The following MBNL1 variants were observed in gnomAD, a reference collection of about 807,000 sequenced individuals.
MBNL1 encodes the protein muscleblind-like protein 1.
MBNL1 carries 8 observed loss-of-function variants against 42.2 expected under a neutral mutation model. That is an observed-to-expected ratio of 0.19 (90% CI 0.11 to 0.34). MBNL1 has a LOEUF of 0.34. Ranked by LOEUF, MBNL1 falls within the 10% of genes least tolerant of loss-of-function variation. MBNL1 has a pLI of 1.00. For missense variants in MBNL1, 309 were observed against 495.3 expected, an observed-to-expected ratio of 0.62 and a Z score of 3.57; for synonymous variants, 169 against 173.9, an observed-to-expected ratio of 0.97 and a Z score of 0.22.
chr3:152,311,765 C>A (rs1157073051), intron 2 of MBNL1, among the ~76,000 whole-genome samples: 1 of 151,782 alleles, frequency 6.6e-6, no homozygotes, highest in Admixed American at 6.6e-5. Flanking sequence ...ATATAAGAAT[C>A]GTTGATTCTA....
chr3:152,383,707 T>G (rs1165264398), intron 2 of MBNL1, among the ~76,000 whole-genome samples: 1 of 152,120 alleles, frequency 6.6e-6, no homozygotes, highest in Non-Finnish European at 1.5e-5. Context: ...AGATGAATAC[T>G]TTTCAGAATG....
intron 1 of MBNL1, among the ~76,000 whole-genome samples, chr3:152,297,499 G>C (rs1022429893): frequency 4.0e-5 from 6 of 151,692 alleles, no homozygotes; most frequent in African/African-American, 1.5e-4. Context: ...ACAGGTGCCT[G>C]CCACCATGCC....
At chr3:152,273,791 T>C (rs1407025638) in intron 1 of MBNL1, among the ~76,000 whole-genome samples, 1 of 152,140 alleles carries the variant, frequency 6.6e-6, no homozygotes, top group Non-Finnish European at 1.5e-5. Context: ...TGACATTCTT[T>C]TAGGAAACTG....
intron 2 of MBNL1, among the ~76,000 whole-genome samples, chr3:152,410,007 T>G (rs1368259616): frequency 1.3e-5 from 2 of 152,198 alleles, no homozygotes; most frequent in African/African-American, 4.8e-5. Context: ...CTCATATTTC[T>G]AACTTACCAT....
intron 1 of MBNL1, among the ~76,000 whole-genome samples, chr3:152,298,152 C>G (rs1474318947): frequency 6.6e-6 from 1 of 151,970 alleles, no homozygotes; most frequent in African/African-American, 2.4e-5. Context: ...TATAAATATA[C>G]CATATGCCAA....
At chr3:152,296,795 A>G (rs978974825) in intron 1 of MBNL1, among the ~76,000 whole-genome samples, 3 of 152,034 alleles carry the variant, frequency 2.0e-5, no homozygotes, top group Non-Finnish European at 4.4e-5. Context: ...AAGTAATCCA[A>G]ATCCTGATGC....
intron 2 of MBNL1, among the ~76,000 whole-genome samples, chr3:152,250,033 A>T (rs1227879682): frequency 6.6e-6 from 1 of 151,126 alleles, no homozygotes; most frequent in Admixed American, 6.6e-5. Flanking sequence ...CTTGTAGTAT[A>T]GTTTGAAGTC....
At chr3:152,297,254 G>GTT (rs1023006189) in intron 1 of MBNL1, among the ~76,000 whole-genome samples, 14,157 of 101,346 alleles carry the variant, frequency 0.14, 857 homozygotes, top group Non-Finnish European at 0.19. Context: ...CTGGACCTTT[G>GTT]TTTTTTTTTT....
rs539921508 is a variant in MBNL1, at chr3:152,368,436, G to A, written c.175-46505G>A. ...TAGCCTTGTAGTACAGTTTGAAGTC[G>A]GGTAGCGTGATGCCACCAGCATTGT... On this transcript the variant is annotated intron_variant, in intron 2 of 9. Coordinates refer to ENST00000324210, the MANE Select transcript of MBNL1 (RefSeq NM_021038.5). 1.6e-4 allele frequency among the ~76,000 whole-genome samples: 25 copies of A among 152,050 alleles called. No homozygotes were observed. The South Asian group carries it at 2.9e-3, about 18-fold the overall frequency.
chr3:152,436,531 A>G (rs756461288), intron 4 of MBNL1, among the ~76,000 whole-genome samples: 2 of 152,144 alleles, frequency 1.3e-5, no homozygotes, highest in African/African-American at 2.4e-5. Context: ...TATTCCCCCA[A>G]CCTTTCTAAA....
chr3:152,259,191 G>T (rs998796121), intron 2 of MBNL1, among the ~76,000 whole-genome samples: 1 of 152,206 alleles, frequency 6.6e-6, no homozygotes, highest in Non-Finnish European at 1.5e-5. Flanking sequence ...TTGCAGAAGC[G>T]TGGGAGTCTT....
chr3:152,453,037 TTAA>T (rs1389546626), intron 6 of MBNL1, among the ~76,000 whole-genome samples: 1 of 151,528 alleles, frequency 6.6e-6, no homozygotes, highest in Non-Finnish European at 1.5e-5. Flanking sequence ...ATTATGTATA[TTAA>T]TAAATTACTT....
chr3:152,268,790 T>C, upstream of MBNL1: 1 of 454,442 alleles, frequency 2.2e-6, no homozygotes, highest in South Asian at 1.6e-5. Flanking sequence ...GAAGAGCGTT[T>C]TTCTCGCCGC....
intron 2 of MBNL1, among the ~76,000 whole-genome samples, chr3:152,348,890 T>A (rs931101737): frequency 1.3e-5 from 2 of 152,082 alleles, no homozygotes; most frequent in Non-Finnish European, 2.9e-5. Flanking sequence ...GGACTTGATA[T>A]GATCATAGAA....
chr3:152,258,579 G>A (rs995565974), intron 2 of MBNL1, among the ~76,000 whole-genome samples: 1 of 152,180 alleles, frequency 6.6e-6, no homozygotes, highest in African/African-American at 2.4e-5. Flanking sequence ...GGGCAAGGTT[G>A]CAGCAAAGAC....
chr3:152,255,669 A>T (rs1180373418), intron 2 of MBNL1, among the ~76,000 whole-genome samples: 1 of 152,150 alleles, frequency 6.6e-6, no homozygotes, highest in Non-Finnish European at 1.5e-5. Context: ...TAGTAAAGAA[A>T]TAAAATTTTA....
At chr3:152,314,567 G>C (rs2069395288) in intron 2 of MBNL1, among the ~76,000 whole-genome samples, 1 of 152,132 alleles carries the variant, frequency 6.6e-6, no homozygotes, top group African/African-American at 2.4e-5. Flanking sequence ...TAGAGACAGA[G>C]TTTCTCCTTG....
intron 2 of MBNL1, among the ~76,000 whole-genome samples, chr3:152,405,181 A>G (rs1294417654): frequency 6.6e-6 from 1 of 152,188 alleles, no homozygotes; most frequent in Non-Finnish European, 1.5e-5. Context: ...TAGTATTAGC[A>G]GTCAATGATT....
At chr3:152,357,634 G>GA (rs552570362) in intron 2 of MBNL1, among the ~76,000 whole-genome samples, 31 of 152,228 alleles carry the variant, frequency 2.0e-4, no homozygotes, top group African/African-American at 7.2e-4. Context: ...TGGAGCAGGA[G>GA]AAAGGGTATG....
Sources: allele counts gnomAD v4.1 joint callset (sites outside exome capture counted in the v4.1 genomes callset), GRCh38; gene constraint gnomAD v4.1.1; transcripts MANE v1.5; gene names NCBI Gene and HGNC (gene_info 2026-07-23, HGNC 2026-07-21).